DNAH14: variants seen among roughly 807,000 people sequenced by gnomAD.
DNAH14 encodes the protein dynein axonemal heavy chain 14.
In DNAH14, 478 loss-of-function variants were observed where a neutral mutation model predicts 520.9. The ratio of observed to expected loss-of-function variants is 0.92; its 90% confidence interval spans 0.85 to 0.99. The LOEUF (loss-of-function observed/expected upper bound fraction) is 0.99, where lower values mean the gene tolerates loss of function less well. Ranked by LOEUF, DNAH14 falls within the 50% of genes least tolerant of loss-of-function variation. The pLI is 0.00. For missense variants in DNAH14, 4,831 were observed against 5,234.5 expected (o/e 0.92, Z 2.38); for synonymous variants, 1,581 against 1,757.2 (o/e 0.90, Z 2.51).
At chr1:225,018,941 C>T (rs997847223) in intron 10 of DNAH14, among the ~76,000 whole-genome samples, 5 of 152,168 alleles carry the variant, frequency 3.3e-5, no homozygotes, top group African/African-American at 1.2e-4. Context: ...CCTGCCACCA[C>T]AAAAACACGC....
At chr1:225,335,435 A>ATG (rs140720669) in intron 66 of DNAH14, among the ~76,000 whole-genome samples, 4 of 87,512 alleles carry the variant, frequency 4.6e-5, no homozygotes, top group African/African-American at 1.4e-4. Context: ...ACGTGTGTAC[A>ATG]TGTGTGTGTA....
At chr1:225,351,403 C>CA (rs2095364701) in intron 71 of DNAH14, among the ~76,000 whole-genome samples, 1 of 151,618 alleles carries the variant, frequency 6.6e-6, no homozygotes, top group Non-Finnish European at 1.5e-5. Flanking sequence ...AAAACAAAAA[C>CA]AAAAAAGGTT....
At chr1:225,366,465 G>A (rs145032678) in intron 76 of DNAH14, among the ~76,000 whole-genome samples, 42 of 152,138 alleles carry the variant, frequency 2.8e-4, no homozygotes, top group South Asian at 4.2e-4. Context: ...TTCTGAAGGC[G>A]GACAGACACC....
chr1:225,162,305 T>C (rs2081592245), intron 35 of DNAH14, among the ~76,000 whole-genome samples: 1 of 152,170 alleles, frequency 6.6e-6, no homozygotes, highest in Non-Finnish European at 1.5e-5. Context: ...CACAGGTGTG[T>C]GTATTTGTTT....
At chr1:225,092,557 TA>T (rs2074491825) in intron 21 of DNAH14, among the ~76,000 whole-genome samples, 1 of 152,022 alleles carries the variant, frequency 6.6e-6, no homozygotes, top group South Asian at 2.1e-4. Context: ...TTTATAGCAC[TA>T]AACTCCCACA....
At chr1:225,203,828 A>T (rs2087178530) in intron 38 of DNAH14, among the ~76,000 whole-genome samples, 1 of 149,364 alleles carries the variant, frequency 6.7e-6, no homozygotes, top group Admixed American at 6.8e-5. Flanking sequence ...TATGAAGGAA[A>T]GTCTAGAAAA....
intron 60 of DNAH14, among the ~76,000 whole-genome samples, chr1:225,308,905 A>G (rs967086740): frequency 2.6e-5 from 4 of 152,232 alleles, no homozygotes; most frequent in African/African-American, 9.6e-5. Context: ...ATCAGTAGCT[A>G]TTCCTGCTCA....
intron 77 of DNAH14, among the ~76,000 whole-genome samples, chr1:225,368,825 G>C (rs1015009878): frequency 1.3e-5 from 2 of 152,098 alleles, no homozygotes; most frequent in Non-Finnish European, 2.9e-5. Flanking sequence ...GTTTTGAAAA[G>C]AGGCTGTCAT....
Position 225,100,705 on chromosome 1 carries a change from T to G in DNAH14, c.3696-8T>G. On this transcript the variant is annotated splice_region_variant and splice_polypyrimidine_tract_variant and intron_variant, in intron 22 of 85. Coordinates refer to ENST00000682510, the MANE Select transcript of DNAH14 (RefSeq NM_001367479.1). ...AAAATAAAATGACATCTAATTTTTT[T>G]TCTAAAGGCAACTCCCAGCAGAAAC... 1 of 1,470,616 alleles carries G rather than the reference T, an allele frequency of 6.8e-7. No homozygotes were observed. The highest frequency in any genetic ancestry group is 9.0e-7 in the Non-Finnish European group (1 of 1,115,874). 91.1% of individuals were successfully genotyped at this position (1,470,616 alleles called of 1,614,324 possible). A position where few individuals can be genotyped will look rare whatever the true frequency, so the allele number is the denominator to read the frequency against.
At chr1:224,949,370 A>T (rs966479749) in intron 1 of DNAH14, among the ~76,000 whole-genome samples, 1 of 152,024 alleles carries the variant, frequency 6.6e-6, no homozygotes, top group African/African-American at 2.4e-5. Flanking sequence ...GCTCATATGT[A>T]TGTATATATA....
intron 1 of DNAH14, 44 bp downstream of exon 1, chr1:224,929,879 G>C: frequency 1.6e-6 from 1 of 620,176 alleles, no homozygotes; most frequent in African/African-American, 1.9e-5. Context: ...GCAGAGCCTC[G>C]GCGGGCGGGC....
intron 8 of DNAH14, among the ~76,000 whole-genome samples, chr1:224,999,420 G>A (rs1179314488): frequency 6.6e-6 from 1 of 151,964 alleles, no homozygotes; most frequent in Non-Finnish European, 1.5e-5. Context: ...GGTCAGGCTG[G>A]TCTCGAACTC....
In DNAH14 at chr1:225,307,638, G is replaced by C. The variant is rs115919810; in HGVS notation, c.9114+69G>C. The C allele has an allele frequency of 2.6e-3, 3,176 of 1,198,694 alleles. 59 individuals carry two copies. In the African/African-American group the frequency reaches 0.045, roughly 17 times the overall value. The allele number at this position is 1,198,694 out of a possible 1,614,324, so 74.3% of individuals were successfully genotyped here. ...TATAGAACAGTGTTTGAAAGCAAAG[G>C]CTCTGATACCTGACAAAGACAGGCT... is the stretch of plus-strand genomic sequence containing the variant. On this transcript the variant is annotated intron_variant, in intron 59 of 85. Transcript: ENST00000682510.
At chr1:225,082,387 A>G (rs1162534195) in intron 19 of DNAH14, among the ~76,000 whole-genome samples, 162 bp from the exon 20 acceptor site, 1 of 152,154 alleles carries the variant, frequency 6.6e-6, no homozygotes, top group South Asian at 2.1e-4. Flanking sequence ...TGGAAGGGTA[A>G]TGTTAATAAA....
intron 41 of DNAH14, among the ~76,000 whole-genome samples, chr1:225,211,118 T>C (rs554481487): frequency 1.3e-5 from 2 of 152,292 alleles, no homozygotes; most frequent in South Asian, 4.1e-4. Context: ...TTACAATTCC[T>C]CGCCAGGAAG....
At chr1:225,074,965 G>T (rs1177895355) in intron 17 of DNAH14, among the ~76,000 whole-genome samples, 2 of 152,100 alleles carry the variant, frequency 1.3e-5, no homozygotes, top group Admixed American at 1.3e-4. Context: ...CTTTCCTAGG[G>T]GTATATATGG....
chr1:225,244,811 G>A (rs1057101393), intron 43 of DNAH14, among the ~76,000 whole-genome samples: 28 of 151,744 alleles, frequency 1.8e-4, no homozygotes, highest in Non-Finnish European at 3.4e-4. Context: ...CTCTTGGATG[G>A]TTGATCTTAT....
At chr1:225,056,821 G>C (rs890616486) in intron 17 of DNAH14, among the ~76,000 whole-genome samples, 23 of 152,258 alleles carry the variant, frequency 1.5e-4, no homozygotes, top group East Asian at 5.8e-4. Flanking sequence ...TGTCAGGTTT[G>C]TCAAAGATCA....
chr1:225,117,969 C>T lies in DNAH14; in HGVS notation c.4061C>T (p.Ser1354Phe). Residue 1354 changes from serine (S) to phenylalanine (F), a missense_variant, in exon 25 of 86, where the codon TCT (serine) becomes TTT (phenylalanine). Physicochemically the swap from Ser to Phe is radical, Grantham distance 155. Transcript: ENST00000682510. ...CCTCCTGCTGTAAAAATGCTAATAT[C>T]TGCTGAAGGGGAAGGTCTCGTGCTG... ...IGPPAVKMLI[S>F]AEGEGLVLPK... 6.4e-7 allele frequency: 1 copy of T among 1,551,056 alleles called. No individual in the cohort carries two copies. Among genetic ancestry groups the T allele is most frequent in the Non-Finnish European group, 8.7e-7 (1 of 1,146,418 alleles).
Sources: allele counts gnomAD v4.1 joint callset (sites outside exome capture counted in the v4.1 genomes callset), GRCh38; gene constraint gnomAD v4.1.1; transcripts MANE v1.5; gene names NCBI Gene and HGNC (gene_info 2026-07-23, HGNC 2026-07-21).